The following PTPRD variants were observed in gnomAD, a reference collection of about 807,000 sequenced individuals.
The protein encoded by PTPRD is receptor-type tyrosine-protein phosphatase delta.
In PTPRD, 34 loss-of-function variants were observed where a neutral mutation model predicts 214.5. That is an observed-to-expected ratio of 0.16 (90% CI 0.12 to 0.21). The LOEUF (loss-of-function observed/expected upper bound fraction) is 0.21. Among genes scored for constraint, PTPRD ranks in the 10% least tolerant of loss-of-function variants. The pLI is 1.00. For missense variants in PTPRD, 2,545 were observed against 2,398.7 expected (o/e 1.06, Z -1.27); for synonymous variants, 1,128 against 845.7 (o/e 1.33, Z -5.79).
chr9:9,767,131 A>G (rs972580376), intron 5 of PTPRD, among the ~76,000 whole-genome samples: 4 of 152,034 alleles, frequency 2.6e-5, no homozygotes, highest in Admixed American at 6.5e-5. Flanking sequence ...CCAGGAAAAA[A>G]TTATAGAAAG....
At chr9:9,542,573 T>C (rs2077848956) in intron 8 of PTPRD, among the ~76,000 whole-genome samples, 1 of 151,730 alleles carries the variant, frequency 6.6e-6, no homozygotes, top group Non-Finnish European at 1.5e-5. Context: ...ATATCTAACA[T>C]AGGTCTTATA....
At chr9:9,544,585 T>A (rs139317541) in intron 8 of PTPRD, among the ~76,000 whole-genome samples, 3 of 151,772 alleles carry the variant, frequency 2.0e-5, no homozygotes, top group Non-Finnish European at 3.0e-5. Context: ...ACAAAGAACA[T>A]CAGTCACCTG....
intron 10 of PTPRD, among the ~76,000 whole-genome samples, chr9:9,063,700 CAT>C (rs1386919123): frequency 2.6e-5 from 4 of 152,126 alleles, no homozygotes; most frequent in Admixed American, 1.3e-4. Context: ...CTTAGTGTAG[CAT>C]ATGACTAGAT....
Position 8,517,828 on chromosome 9 carries a change from C to G in PTPRD, c.1543+20G>C. On this transcript the variant is annotated intron_variant, in intron 21 of 45. Coordinates refer to ENST00000381196, the MANE Select transcript of PTPRD (RefSeq NM_002839.4). The stretch of plus-strand genomic sequence containing the variant: ...CCAGCCCTTCCCTCCTGCCCTATTT[C>G]CCTCCTCAACCAAACTTACCTCCTG... 6.9e-6 allele frequency: 11 copies of G among 1,598,036 alleles called. No homozygotes were observed. Among genetic ancestry groups the G allele is most frequent in the Non-Finnish European group, 9.4e-6 (11 of 1,170,032 alleles).
chr9:10,161,915 CA>C (rs2099129428), intron 3 of PTPRD, among the ~76,000 whole-genome samples: 1 of 151,562 alleles, frequency 6.6e-6, no homozygotes, highest in Non-Finnish European at 1.5e-5. Flanking sequence ...AGAAAACATA[CA>C]AATGACCAAA....
chr9:9,108,752 G>A (rs1165596545), intron 10 of PTPRD, among the ~76,000 whole-genome samples: 1 of 152,140 alleles, frequency 6.6e-6, no homozygotes, highest in Non-Finnish European at 1.5e-5. Context: ...ATAAATACCA[G>A]GTGAGCAGTA....
intron 6 of PTPRD, among the ~76,000 whole-genome samples, chr9:9,736,092 A>G (rs535142191): frequency 1.3e-5 from 2 of 152,162 alleles, no homozygotes; most frequent in South Asian, 4.1e-4. Flanking sequence ...GTTCATCACA[A>G]TATTTCAAGT....
chr9:8,386,566 T>C (rs1031225068), intron 37 of PTPRD, among the ~76,000 whole-genome samples: 4 of 152,172 alleles, frequency 2.6e-5, no homozygotes, highest in Non-Finnish European at 4.4e-5. Context: ...TGAGGAAGAC[T>C]GGTGCCACTT....
intron 14 of PTPRD, among the ~76,000 whole-genome samples, chr9:8,603,709 C>T (rs776875889): frequency 1.3e-5 from 2 of 152,118 alleles, no homozygotes. Flanking sequence ...AGTACATGTC[C>T]TAACTCTCCT....
At chr9:9,511,121 TTTTG>T (rs972714852) in intron 8 of PTPRD, among the ~76,000 whole-genome samples, 1 of 151,762 alleles carries the variant, frequency 6.6e-6, no homozygotes, top group African/African-American at 2.4e-5. Context: ...GCAGATAGCT[TTTTG>T]TTTATTTTTT....
intron 21 of PTPRD, among the ~76,000 whole-genome samples, chr9:8,509,056 T>G (rs1222865228): frequency 6.6e-6 from 1 of 152,154 alleles, no homozygotes; most frequent in African/African-American, 2.4e-5. Flanking sequence ...ATTGATTTGA[T>G]GCCTCTGGGA....
At chr9:8,594,617 T>C (rs2094359545) in intron 14 of PTPRD, among the ~76,000 whole-genome samples, 1 of 152,082 alleles carries the variant, frequency 6.6e-6, no homozygotes, top group Non-Finnish European at 1.5e-5. Context: ...CTCATGATAG[T>C]GAGTCCTCAC....
At chr9:10,286,306 G>C (rs2095351336) in intron 3 of PTPRD, among the ~76,000 whole-genome samples, 1 of 152,098 alleles carries the variant, frequency 6.6e-6, no homozygotes, top group Non-Finnish European at 1.5e-5. Context: ...GCCAGGCATA[G>C]TGATATGTGC....
intron 8 of PTPRD, among the ~76,000 whole-genome samples, chr9:9,477,489 G>A (rs1162211539): frequency 6.6e-6 from 1 of 152,148 alleles, no homozygotes; most frequent in African/African-American, 2.4e-5. Context: ...CCCACTCAAA[G>A]AAAATGCTTT....
At chr9:9,275,698 C>T (rs372579590) in intron 9 of PTPRD, among the ~76,000 whole-genome samples, 33 of 151,236 alleles carry the variant, frequency 2.2e-4, no homozygotes, top group African/African-American at 7.3e-4. Flanking sequence ...TGAAGGCCAA[C>T]ACTAAAATGT....
At chr9:8,516,147 A>G (rs1039868004) in intron 21 of PTPRD, among the ~76,000 whole-genome samples, 4 of 152,204 alleles carry the variant, frequency 2.6e-5, no homozygotes. Flanking sequence ...AAGCAATCTC[A>G]TAATAGTTAA....
chr9:8,907,020 G>T (rs1331563810), intron 11 of PTPRD, among the ~76,000 whole-genome samples: 1 of 152,014 alleles, frequency 6.6e-6, no homozygotes, highest in Non-Finnish European at 1.5e-5. Context: ...GAAAACTGCC[G>T]AAATTTTGCA....
At chr9:9,627,049 C>T (rs551464542) in intron 7 of PTPRD, among the ~76,000 whole-genome samples, 3 of 152,308 alleles carry the variant, frequency 2.0e-5, no homozygotes, top group Non-Finnish European at 2.9e-5. Flanking sequence ...TGTGGTGGCT[C>T]GTGCCTGTAA....
chr9:10,366,539 T>C (rs1267917848), intron 2 of PTPRD, among the ~76,000 whole-genome samples: 1 of 152,208 alleles, frequency 6.6e-6, no homozygotes. Flanking sequence ...CAGTGAATTG[T>C]TATACTTAAG....
Sources: gnomAD v4.1 joint callset for allele counts (sites outside exome capture counted in the v4.1 genomes callset) on GRCh38, gnomAD v4.1.1 for gene constraint, MANE v1.5 for transcripts, NCBI Gene and HGNC (gene_info 2026-07-23, HGNC 2026-07-21) for gene names.